EXT2: variants seen among roughly 807,000 people sequenced by gnomAD.
EXT2 encodes the protein exostosin-2.
A neutral mutation model predicts 81.6 loss-of-function variants in EXT2; 53 were observed. The observed-to-expected ratio is 0.65, with a 90% confidence interval of 0.52 to 0.82. EXT2 has a LOEUF of 0.82. Ranked by LOEUF, EXT2 falls within the 40% of genes least tolerant of loss-of-function variation. The pLI, the probability that EXT2 is intolerant of heterozygous loss-of-function variation, is 0.00. For synonymous variants in EXT2, 320 were observed against 340.0 expected (o/e 0.94, Z 0.65); for missense variants, 774 against 910.2 (o/e 0.85, Z 1.93).
At chr11:44,097,785 TAAATAAATAAATA>T (rs1565192395) in intron 1 of EXT2, among the ~76,000 whole-genome samples, 1 of 147,508 alleles carries the variant, frequency 6.8e-6, no homozygotes, top group Non-Finnish European at 1.5e-5. Flanking sequence ...AATAAATAAA[TAAATAAATAAATA>T]AAATAAAAAT....
intron 1 of EXT2, among the ~76,000 whole-genome samples, chr11:44,106,820 G>A (rs1954062259): frequency 6.6e-6 from 1 of 152,188 alleles, no homozygotes; most frequent in Non-Finnish European, 1.5e-5. Flanking sequence ...AGTAGAGACG[G>A]GTTTTGCCAT....
chr11:44,100,999 C>T (rs1953973505), intron 1 of EXT2, among the ~76,000 whole-genome samples: 1 of 152,158 alleles, frequency 6.6e-6, no homozygotes, highest in African/African-American at 2.4e-5. Flanking sequence ...CAAGATCTGC[C>T]TTCCACTCCC....
intron 8 of EXT2, among the ~76,000 whole-genome samples, chr11:44,180,797 C>G (rs541095574): frequency 2.6e-4 from 40 of 152,092 alleles, no homozygotes; most frequent in Non-Finnish European, 4.9e-4. Flanking sequence ...TTTCTGTCAC[C>G]TTACATGTCC....
intron 8 of EXT2, among the ~76,000 whole-genome samples, chr11:44,190,516 A>G (rs190363324): frequency 6.6e-6 from 1 of 152,342 alleles, no homozygotes; most frequent in East Asian, 1.9e-4. Flanking sequence ...ACGTTCATTT[A>G]AATCAGATAT....
intron 7 of EXT2, among the ~76,000 whole-genome samples, chr11:44,146,907 T>A (rs938162482): frequency 1.3e-5 from 2 of 152,234 alleles, no homozygotes; most frequent in African/African-American, 4.8e-5. Context: ...AAAGATTTAA[T>A]AATACAGAAA....
At chr11:44,235,476 G>A (rs1251428425) in intron 12 of EXT2, among the ~76,000 whole-genome samples, 1 of 151,782 alleles carries the variant, frequency 6.6e-6, no homozygotes, top group East Asian at 1.9e-4. Flanking sequence ...GAACTCCTGA[G>A]CTCAGGCAGT....
intron 7 of EXT2, among the ~76,000 whole-genome samples, chr11:44,152,343 GGTT>G (rs550068887): frequency 7.9e-5 from 12 of 151,770 alleles, no homozygotes; most frequent in East Asian, 1.9e-4. Flanking sequence ...AGTTTTATAG[GGTT>G]GTTGTTGTTG....
intron 4 of EXT2, 41 bp downstream of exon 4, chr11:44,114,342 T>A (rs760814016): frequency 4.0e-5 from 62 of 1,557,478 alleles, no homozygotes; most frequent in Non-Finnish European, 5.2e-5. Context: ...CTTTACTGAA[T>A]CTGTGAGATG....
At chr11:44,189,774 T>G (rs1182179840) in intron 8 of EXT2, among the ~76,000 whole-genome samples, 1 of 152,158 alleles carries the variant, frequency 6.6e-6, no homozygotes, top group Non-Finnish European at 1.5e-5. Context: ...GAGAGTGAAA[T>G]GAAATAGACA....
chr11:44,231,424 T>A (rs1955897489), intron 10 of EXT2, among the ~76,000 whole-genome samples: 1 of 152,220 alleles, frequency 6.6e-6, no homozygotes, highest in Non-Finnish European at 1.5e-5. Context: ...TTTATCCAGG[T>A]GGAGATATTA....
intron 1 of EXT2, among the ~76,000 whole-genome samples, chr11:44,101,979 C>T (rs993901541): frequency 3.3e-5 from 5 of 150,992 alleles, no homozygotes; most frequent in Non-Finnish European, 7.4e-5. Context: ...AGAGCTGGCA[C>T]GTGGAAGATT....
intron 9 of EXT2, among the ~76,000 whole-genome samples, chr11:44,199,467 A>G (rs1348718969): frequency 6.6e-6 from 1 of 152,214 alleles, no homozygotes; most frequent in East Asian, 1.9e-4. Flanking sequence ...TTGGGTCTGG[A>G]GTGGCCTGTT....
chr11:44,214,628 T>C (rs1955695057), intron 10 of EXT2, among the ~76,000 whole-genome samples: 2 of 152,246 alleles, frequency 1.3e-5, no homozygotes, highest in Non-Finnish European at 2.9e-5. Flanking sequence ...TCTCTTGTTG[T>C]TTAAAGCCTG....
At chr11:44,207,736 TG>T (rs1384235228) in intron 10 of EXT2, among the ~76,000 whole-genome samples, 1 of 152,190 alleles carries the variant, frequency 6.6e-6, no homozygotes, top group East Asian at 1.9e-4. Context: ...TTGTTGAATT[TG>T]GGGTTCTTAA....
chr11:44,235,250 T>TTTTTTTTTTTTG (rs869304268), intron 12 of EXT2, among the ~76,000 whole-genome samples: 1 of 121,918 alleles, frequency 8.2e-6, no homozygotes, highest in Non-Finnish European at 1.7e-5. Flanking sequence ...TTTTTTTTTT[T>TTTTTTTTTTTTG]GGTGAGACTG....
At chr11:44,122,696 A>G (rs1433101140) in intron 4 of EXT2, among the ~76,000 whole-genome samples, 2 of 152,170 alleles carry the variant, frequency 1.3e-5, no homozygotes, top group African/African-American at 4.8e-5. Context: ...TTGCTGTTGT[A>G]TATCTTTCTT....
chr11:44,199,052 G>A (rs1022360074), intron 9 of EXT2, among the ~76,000 whole-genome samples: 1 of 152,178 alleles, frequency 6.6e-6, no homozygotes, highest in Non-Finnish European at 1.5e-5. Flanking sequence ...GCCACAGTTT[G>A]AGTAAATAAA....
chr11:44,241,753 C>T (rs1263163006), intron 13 of EXT2, among the ~76,000 whole-genome samples: 1 of 152,224 alleles, frequency 6.6e-6, no homozygotes, highest in East Asian at 1.9e-4. Context: ...TGGTTACTGA[C>T]ATGGTAGCTG....
At chr11:44,144,365 C>T in intron 7 of EXT2, 1 of 1,575,398 alleles carries the variant, frequency 6.3e-7, no homozygotes, top group South Asian at 1.1e-5. Context: ...AAAACCGGGC[C>T]CAGCAGAAAT....
Sources: gnomAD v4.1 joint callset for allele counts (sites outside exome capture counted in the v4.1 genomes callset) on GRCh38, gnomAD v4.1.1 for gene constraint, MANE v1.5 for transcripts, NCBI Gene and HGNC (gene_info 2026-07-23, HGNC 2026-07-21) for gene names.